Variants in LRSAM1 observed in about 807,000 individuals in gnomAD.
LRSAM1 encodes E3 ubiquitin-protein ligase LRSAM1.
A neutral mutation model predicts 118.1 loss-of-function variants in LRSAM1; 96 were observed. That is an observed-to-expected ratio of 0.81 (90% CI 0.69 to 0.96). The LOEUF (loss-of-function observed/expected upper bound fraction) is 0.96. LRSAM1 is among the 40% of genes least tolerant of loss of function. LRSAM1 has a pLI of 0.00. For synonymous variants in LRSAM1, 322 were observed against 364.2 expected (o/e 0.88, Z 1.32); for missense variants, 804 against 915.5 (o/e 0.88, Z 1.57).
Position 127,500,798 on chromosome 9 carries a change from A to G in LRSAM1, c.1913-212A>G, listed in dbSNP as rs545567782. On this transcript the variant is annotated intron_variant, in intron 24 of 25. Transcript: ENST00000300417. ...GCTGCGGCCATCCCTGCAGAGAGAGACTTCACTCCCATTCTGCAGATGGGA... is the reference window on the plus strand; with the variant it reads ...GCTGCGGCCATCCCTGCAGAGAGAGGCTTCACTCCCATTCTGCAGATGGGA... Among the ~76,000 whole-genome samples the G allele has an allele frequency of 4.6e-5, 7 of 152,268 alleles. No homozygotes were observed. In the Middle Eastern group the frequency reaches 0.017, roughly 370 times the overall value.
chr9:127,489,596 G>A, intron 19 of LRSAM1, 78 bp downstream of exon 19: 3 of 1,493,716 alleles, frequency 2.0e-6, no homozygotes, highest in Non-Finnish European at 2.7e-6. Context: ...GCAGGTCGCA[G>A]CAGTTGAGGT....
At chr9:127,501,288 T>A in intron 25 of LRSAM1, 145 bp downstream of exon 25, 1 of 1,119,900 alleles carries the variant, frequency 8.9e-7, no homozygotes, top group Non-Finnish European at 1.2e-6. Flanking sequence ...GAAATAAAGA[T>A]GACCCCTGGT....
At chr9:127,502,271 TAGAC>T (rs1396833423) in intron 25 of LRSAM1, among the ~76,000 whole-genome samples, 3 of 152,200 alleles carry the variant, frequency 2.0e-5, no homozygotes, top group South Asian at 2.1e-4. Flanking sequence ...TATAGAGAAA[TAGAC>T]AGCAAACTGC....
chr9:127,481,322 G>A (rs139271333), intron 15 of LRSAM1, 95 bp downstream of exon 15: 43 of 1,377,658 alleles, frequency 3.1e-5, no homozygotes, highest in African/African-American at 7.2e-5. Flanking sequence ...GCACAATCTC[G>A]GCTCAGTGCA....
At chr9:127,483,433 C>T (rs868152000) in intron 16 of LRSAM1, among the ~76,000 whole-genome samples, 6 of 150,594 alleles carry the variant, frequency 4.0e-5, no homozygotes, top group African/African-American at 1.2e-4. Context: ...GGTAATACAG[C>T]GAGACCATTT....
intron 16 of LRSAM1, among the ~76,000 whole-genome samples, chr9:127,485,274 A>T (rs1336369704): frequency 1.3e-5 from 2 of 152,238 alleles, no homozygotes; most frequent in South Asian, 2.1e-4. Context: ...AGTTAAAAAG[A>T]ACAGGCCGGG....
Position 127,495,569 on chromosome 9 carries a change from G to A in LRSAM1, c.1698+151G>A, listed in dbSNP as rs572847246. The A allele has an allele frequency of 8.0e-5, 58 of 729,286 alleles. 1 individual carries two copies. The East Asian group carries it at 1.3e-3, about 17-fold the overall frequency. 45.2% of individuals were successfully genotyped at this position (729,286 alleles called of 1,614,324 possible). ...GTGCCAAGCCCCAGTGGAGACAGAA[G>A]CGAGAGTAAGGGAGTGTTCATTCTG... On this transcript the variant is annotated intron_variant, in intron 22 of 25. Transcript: ENST00000300417.
intron 14 of LRSAM1, 60 bp downstream of exon 14, chr9:127,480,038 G>A (rs1835481110): frequency 1.2e-6 from 2 of 1,611,470 alleles, no homozygotes. Flanking sequence ...CCCCTGAGGA[G>A]CCGGGAGGAG....
chr9:127,458,926 C>T lies in LRSAM1; in HGVS notation c.253-77C>T. ...CACTGGGGGTGTGAGGTGGCCCCAG[C>T]CCCTCCTCAGCGCTCTGGAGCCCGG... On this transcript the variant is annotated intron_variant, in intron 6 of 25. Coordinates refer to ENST00000300417, the MANE Select transcript of LRSAM1 (RefSeq NM_001005373.4). 4 of 1,457,722 alleles carry T rather than the reference C, an allele frequency of 2.7e-6. No individual in the cohort carries two copies. In the South Asian group the frequency reaches 4.5e-5, roughly 17 times the overall value. 90.3% of individuals were successfully genotyped at this position (1,457,722 alleles called of 1,614,324 possible).
chr9:127,455,482 T>C, intron 4 of LRSAM1, 94 bp from the exon 5 acceptor site: 1 of 1,317,950 alleles, frequency 7.6e-7, no homozygotes, highest in Non-Finnish European at 1.1e-6. Context: ...CTTGTTCACC[T>C]CCTGCCTGTC....
intron 12 of LRSAM1, 84 bp from the exon 13 acceptor site, chr9:127,479,299 T>G: frequency 1.3e-6 from 2 of 1,592,220 alleles, no homozygotes; most frequent in South Asian, 1.1e-5. Flanking sequence ...GCCCTGTCAG[T>G]GTTGAGGGGT....
intron 25 of LRSAM1, among the ~76,000 whole-genome samples, chr9:127,502,229 CATTTATATGGGT>C (rs1437727481): frequency 1.3e-5 from 2 of 152,168 alleles, no homozygotes; most frequent in Non-Finnish European, 2.9e-5. Flanking sequence ...TCAGTTGGGG[CATTTATATGGGT>C]ATTTATATTT....
intron 7 of LRSAM1, among the ~76,000 whole-genome samples, chr9:127,460,848 T>TTTC (rs1834710268): frequency 1.6e-4 from 6 of 36,522 alleles, no homozygotes; most frequent in East Asian, 8.6e-4. Flanking sequence ...TGTTTCTTTC[T>TTTC]TTTTTTTTTT....
intron 19 of LRSAM1, among the ~76,000 whole-genome samples, chr9:127,490,054 A>AC (rs1042995540): frequency 1.7e-4 from 26 of 149,752 alleles, no homozygotes; most frequent in Non-Finnish European, 3.6e-4. Context: ...GTGACAAGAT[A>AC]CCCCCCACCC....
chr9:127,495,170 C>G, intron 21 of LRSAM1, 150 bp from the exon 22 acceptor site: 1 of 643,486 alleles, frequency 1.6e-6, no homozygotes, highest in Non-Finnish European at 2.8e-6. Context: ...TCAGGCTGGT[C>G]TTGAACTCCC....
At position 127,496,131 on chromosome 9, in the gene LRSAM1, C is replaced by T. The variant is rs3802361; in HGVS notation, c.1830+36C>T. 2.3e-3 allele frequency: 3,629 copies of T among 1,601,986 alleles called. 43 individuals carry two copies. The East Asian group carries it at 0.041, about 18-fold the overall frequency. ...GCCGTCTGCATGGAGGGGAGGGGCA[C>T]GCAAGGCCGCTGTCCTGACCAGCCG... On this transcript the variant is annotated intron_variant, in intron 23 of 25. Transcript: ENST00000300417.
chr9:127,479,256 G>C, intron 12 of LRSAM1, 127 bp from the exon 13 acceptor site: 1 of 1,378,226 alleles, frequency 7.3e-7, no homozygotes, highest in Non-Finnish European at 1.0e-6. Flanking sequence ...CTGGAGGGGA[G>C]TGGGGGTTGC....
At chr9:127,467,855 C>T (rs773392393) in intron 10 of LRSAM1, 25 bp downstream of exon 10, 1 of 1,553,998 alleles carries the variant, frequency 6.4e-7, no homozygotes, top group Non-Finnish European at 8.7e-7. Context: ...CTGCCTCCTC[C>T]CCTCATTGAG....
chr9:127,476,815 C>G (rs1421765247), intron 11 of LRSAM1, among the ~76,000 whole-genome samples: 2 of 152,056 alleles, frequency 1.3e-5, no homozygotes, highest in African/African-American at 4.8e-5. Context: ...GCTGGGATTA[C>G]AGGCACCTGC....
Sources: allele counts gnomAD v4.1 joint callset (sites outside exome capture counted in the v4.1 genomes callset), GRCh38; gene constraint gnomAD v4.1.1; transcripts MANE v1.5; gene names NCBI Gene and HGNC (gene_info 2026-07-23, HGNC 2026-07-21).